The following DCLK1 variants were observed in gnomAD, a reference collection of about 807,000 sequenced individuals.
DCLK1 encodes the protein doublecortin like kinase 1, also known as serine/threonine-protein kinase DCLK1.
DCLK1 carries 16 observed loss-of-function variants against 86.2 expected under a neutral mutation model. That is an observed-to-expected ratio of 0.19 (90% CI 0.13 to 0.28). The LOEUF is 0.28. Ranked by LOEUF, DCLK1 falls within the 10% of genes least tolerant of loss-of-function variation. The pLI is 1.00. For missense variants in DCLK1, 590 were observed against 940.2 expected, an observed-to-expected ratio of 0.63 and a Z score of 4.87; for synonymous variants, 369 against 370.5, an observed-to-expected ratio of 1.00 and a Z score of 0.05.
intron 3 of DCLK1, among the ~76,000 whole-genome samples, chr13:36,081,720 C>T (rs1253935982): frequency 6.6e-6 from 1 of 152,150 alleles, no homozygotes; most frequent in Non-Finnish European, 1.5e-5. Flanking sequence ...AGGATTGCAT[C>T]AAACCATTGC....
In DCLK1 at chr13:36,008,139, A is replaced by ATT. The variant is rs777909367; in HGVS notation, c.724-60684_724-60683dup. 1.9e-3 allele frequency among the ~76,000 whole-genome samples: 197 copies of ATT among 102,158 alleles called. 5 individuals carry two copies. Among genetic ancestry groups the ATT allele is most frequent in the East Asian group, 4.0e-3 (14 of 3,510 alleles). 67.0% of individuals were successfully genotyped at this position (102,158 alleles called of 152,430 possible). On this transcript the variant is annotated intron_variant, in intron 3 of 16. Coordinates refer to ENST00000360631, the MANE Select transcript of DCLK1 (RefSeq NM_001330071.2). The stretch of plus-strand genomic sequence containing the variant: ...TTTTAACACTGAACTTCTCTCTAAA[A>ATT]TTTTTTTTTTTTTTTTTTTGGTCTC...
At chr13:35,785,744 CACA>C (rs2086610436) in intron 16 of DCLK1, among the ~76,000 whole-genome samples, 1 of 152,174 alleles carries the variant, frequency 6.6e-6, no homozygotes, top group Non-Finnish European at 1.5e-5. Context: ...GCGCTTTAAA[CACA>C]ACAATTGGGA....
At chr13:35,965,902 C>G (rs1295857811) in intron 3 of DCLK1, among the ~76,000 whole-genome samples, 1 of 152,090 alleles carries the variant, frequency 6.6e-6, no homozygotes, top group Non-Finnish European at 1.5e-5. Flanking sequence ...CTTCTCATTC[C>G]AAAGAGAGGA....
chr13:35,874,980 G>T (rs556098492), intron 4 of DCLK1, among the ~76,000 whole-genome samples: 2 of 152,332 alleles, frequency 1.3e-5, no homozygotes, highest in South Asian at 4.1e-4. Context: ...TGGCCACTAC[G>T]TGCCAAGCAT....
At chr13:35,960,353 T>G (rs1223207580) in intron 3 of DCLK1, among the ~76,000 whole-genome samples, 1 of 152,156 alleles carries the variant, frequency 6.6e-6, no homozygotes, top group African/African-American at 2.4e-5. Flanking sequence ...CCAGGGCCAT[T>G]TAAAACTATT....
intron 3 of DCLK1, among the ~76,000 whole-genome samples, chr13:36,035,608 A>G (rs985785726): frequency 6.6e-6 from 1 of 152,178 alleles, no homozygotes; most frequent in Non-Finnish European, 1.5e-5. Context: ...GTACAATCTT[A>G]GCTCACTGCA....
intron 16 of DCLK1, among the ~76,000 whole-genome samples, chr13:35,783,643 T>A (rs2086569429): frequency 6.6e-6 from 1 of 152,174 alleles, no homozygotes; most frequent in South Asian, 2.1e-4. Flanking sequence ...TGGAGTGCAG[T>A]GGTGTGATCT....
intron 3 of DCLK1, among the ~76,000 whole-genome samples, chr13:35,972,266 C>T (rs1879102470): frequency 6.6e-6 from 1 of 151,966 alleles, no homozygotes; most frequent in Non-Finnish European, 1.5e-5. Flanking sequence ...TGACAGGTAG[C>T]CTTTATTTTT....
chr13:35,852,326 G>C (rs1325556106), intron 6 of DCLK1, among the ~76,000 whole-genome samples: 1 of 152,142 alleles, frequency 6.6e-6, no homozygotes, highest in Non-Finnish European at 1.5e-5. Context: ...CAAGATGAAA[G>C]CTCCTCTGGC....
intron 3 of DCLK1, among the ~76,000 whole-genome samples, chr13:35,955,715 G>A (rs559297799): frequency 4.9e-4 from 74 of 152,178 alleles, no homozygotes; most frequent in Non-Finnish European, 9.0e-4. Context: ...ATGTAAAATG[G>A]ACCTACCAAT....
chr13:35,804,453 G>A (rs1231941568), intron 15 of DCLK1, among the ~76,000 whole-genome samples: 1 of 151,140 alleles, frequency 6.6e-6, no homozygotes, highest in East Asian at 2.0e-4. Flanking sequence ...TATTTTTTGA[G>A]ATGGAGTCTC....
At chr13:36,036,714 T>A (rs1882515410) in intron 3 of DCLK1, among the ~76,000 whole-genome samples, 1 of 152,150 alleles carries the variant, frequency 6.6e-6, no homozygotes, top group Non-Finnish European at 1.5e-5. Flanking sequence ...TGTTAAACAT[T>A]TATATACTAT....
chr13:35,917,321 C>T (rs1226083442), intron 4 of DCLK1, among the ~76,000 whole-genome samples: 2 of 152,164 alleles, frequency 1.3e-5, no homozygotes, highest in Admixed American at 6.5e-5. Flanking sequence ...TTTTTCCTCC[C>T]CTATAATTGC....
At chr13:35,951,853 T>A (rs1377795844) in intron 3 of DCLK1, among the ~76,000 whole-genome samples, 2 of 152,164 alleles carry the variant, frequency 1.3e-5, no homozygotes, top group African/African-American at 2.4e-5. Flanking sequence ...TATCTTGAAA[T>A]GAGTCCTGTT....
Position 35,857,113 on chromosome 13 carries a change from C to T in DCLK1, c.941-2520G>A, listed in dbSNP as rs112462790. On this transcript the variant is annotated intron_variant, in intron 5 of 16. Coordinates refer to ENST00000360631, the MANE Select transcript of DCLK1 (RefSeq NM_001330071.2). ...TTAGTCAAGGAAGTGACCATGTTCT[C>T]GGGATGCAGCATTGGTGGTGACCTC... is the stretch of plus-strand genomic sequence containing the variant. Among the ~76,000 whole-genome samples, 629 of 152,224 alleles carry T rather than the reference C, an allele frequency of 4.1e-3. 3 individuals carry two copies. The highest frequency in any genetic ancestry group is 0.015 in the African/African-American group (604 of 41,540).
At chr13:36,115,782 T>G (rs2138197822) in intron 2 of DCLK1, among the ~76,000 whole-genome samples, 1 of 151,420 alleles carries the variant, frequency 6.6e-6, no homozygotes, top group South Asian at 2.1e-4. Context: ...TATGTTTGGA[T>G]CCAACTAATA....
chr13:35,849,852 T>C, intron 6 of DCLK1: 1 of 981,822 alleles, frequency 1.0e-6, no homozygotes, highest in Non-Finnish European at 1.2e-6. Context: ...CACAATTTTT[T>C]TTAGGTCTGT....
At chr13:35,945,257 C>A (rs35175201) in intron 4 of DCLK1, among the ~76,000 whole-genome samples, 23,673 of 152,116 alleles carry the variant, frequency 0.16, 2,130 homozygotes, top group East Asian at 0.22. Context: ...GGGCAGTGCA[C>A]CTACTCTATT....
At chr13:35,860,318 G>GC (rs747050190) in intron 5 of DCLK1, among the ~76,000 whole-genome samples, 10 of 151,364 alleles carry the variant, frequency 6.6e-5, no homozygotes, top group African/African-American at 2.5e-4. Context: ...AATGCAGGGG[G>GC]TGGGGGGTGC....
Sources: allele counts gnomAD v4.1 joint callset (sites outside exome capture counted in the v4.1 genomes callset), GRCh38; gene constraint gnomAD v4.1.1; transcripts MANE v1.5; gene names NCBI Gene and HGNC (gene_info 2026-07-23, HGNC 2026-07-21).